SLC35F3: variants seen among roughly 807,000 people sequenced by gnomAD.
The protein encoded by SLC35F3 is solute carrier family 35 member F3.
A neutral mutation model predicts 49.9 loss-of-function variants in SLC35F3; 25 were observed. The observed-to-expected ratio is 0.50, with a 90% CI of 0.37 to 0.70. The LOEUF (loss-of-function observed/expected upper bound fraction) is 0.70, where lower values mean the gene tolerates loss of function less well. Ranked by LOEUF, SLC35F3 falls within the 30% of genes least tolerant of loss-of-function variation. The pLI, the probability that SLC35F3 is intolerant of heterozygous loss-of-function variation, is 0.00. For missense variants in SLC35F3, 525 were observed against 639.8 expected, an observed-to-expected ratio of 0.82 and a Z score of 1.94; for synonymous variants, 275 against 265.4, an observed-to-expected ratio of 1.04 and a Z score of -0.35.
At position 234,134,028 on chromosome 1, in the gene SLC35F3, C is replaced by G. The variant is rs545192593; in HGVS notation, c.284-97389C>G. ...CAAAATAATCCATAAAGCGTATAGA[C>G]CATATGTCAGAGAAGTACATGAAAA... On this transcript the variant is annotated intron_variant, in intron 2 of 7. Transcript: ENST00000366618. Among the ~76,000 whole-genome samples the G allele has an allele frequency of 1.1e-4, 16 of 152,200 alleles. 1 individual carries two copies. Among genetic ancestry groups the G allele is most frequent in the Middle Eastern group, 3.4e-3 (1 of 294 alleles).
At chr1:234,200,962 G>A (rs889848080) in intron 2 of SLC35F3, among the ~76,000 whole-genome samples, 5 of 152,280 alleles carry the variant, frequency 3.3e-5, no homozygotes, top group South Asian at 4.1e-4. Flanking sequence ...CCCAAACTGC[G>A]GGTGATATAC....
intron 2 of SLC35F3, among the ~76,000 whole-genome samples, chr1:234,104,706 T>C (rs1665258528): frequency 6.6e-6 from 1 of 152,202 alleles, no homozygotes; most frequent in Admixed American, 6.5e-5. Flanking sequence ...TCAAAAAATG[T>C]AGTTGTGGTT....
At chr1:234,015,582 G>A (rs1164926695) in intron 2 of SLC35F3, among the ~76,000 whole-genome samples, 2 of 152,070 alleles carry the variant, frequency 1.3e-5, no homozygotes, top group African/African-American at 4.8e-5. Flanking sequence ...TTCAATAAAG[G>A]GTGTTGGGAA....
intron 3 of SLC35F3, among the ~76,000 whole-genome samples, chr1:234,272,878 G>A (rs1451011404): frequency 3.3e-5 from 5 of 150,482 alleles, no homozygotes; most frequent in Non-Finnish European, 7.5e-5. Context: ...CAGCAGGCTC[G>A]CTGCCCCTGA....
chr1:234,141,557 T>G (rs2102903651), intron 2 of SLC35F3, among the ~76,000 whole-genome samples: 1 of 152,340 alleles, frequency 6.6e-6, no homozygotes, highest in South Asian at 2.1e-4. Flanking sequence ...GCGCATTTTG[T>G]TTTGTGCTAA....
chr1:234,247,895 T>TTTGGTGGGTAGGTTGGTTGGTCCATTGC (rs1667665764), intron 3 of SLC35F3, among the ~76,000 whole-genome samples: 2 of 152,172 alleles, frequency 1.3e-5, no homozygotes, highest in African/African-American at 4.8e-5. Flanking sequence ...TGGTCCGTTG[T>TTTGGTGGGTAGGTTGGTTGGTCCATTGC]TTGGTGGGTA....
intron 2 of SLC35F3, among the ~76,000 whole-genome samples, chr1:233,912,986 G>A (rs1011253246): frequency 2.6e-5 from 4 of 152,192 alleles, no homozygotes. Flanking sequence ...GTGCCAGAAT[G>A]CAGAGATTAG....
Position 233,956,574 on chromosome 1 carries a change from G to A in SLC35F3, c.283+50816G>A, listed in dbSNP as rs569156065. ...AGAGTGCACATCTGCATAGGTACTA[G>A]GCCTATCTGAGCAGGAAAAGTAATT... is the stretch of plus-strand genomic sequence containing the variant. On this transcript the variant is annotated intron_variant, in intron 2 of 7. Transcript: ENST00000366618. Among the ~76,000 whole-genome samples the A allele has an allele frequency of 3.9e-5, 6 of 152,302 alleles. No individual in the cohort carries two copies. In the South Asian group the frequency reaches 1.2e-3, roughly 32 times the overall value.
chr1:233,971,402 A>T (rs1308363411), intron 2 of SLC35F3, among the ~76,000 whole-genome samples: 1 of 152,260 alleles, frequency 6.6e-6, no homozygotes, highest in Non-Finnish European at 1.5e-5. Context: ...GTCAAATCCT[A>T]TGAAAATAAG....
At chr1:233,940,852 C>T (rs1662408847) in intron 2 of SLC35F3, among the ~76,000 whole-genome samples, 1 of 152,022 alleles carries the variant, frequency 6.6e-6, no homozygotes, top group Non-Finnish European at 1.5e-5. Flanking sequence ...ATTACTGGGT[C>T]AAAGAGAATG....
At chr1:234,118,733 G>A (rs1020463743) in intron 2 of SLC35F3, among the ~76,000 whole-genome samples, 1 of 152,180 alleles carries the variant, frequency 6.6e-6, no homozygotes, top group Non-Finnish European at 1.5e-5. Flanking sequence ...GAGGCTCAGG[G>A]AGGTGAAATG....
At chr1:234,103,776 A>G (rs1665245674) in intron 2 of SLC35F3, among the ~76,000 whole-genome samples, 1 of 152,164 alleles carries the variant, frequency 6.6e-6, no homozygotes. Flanking sequence ...CTTCTTGGGA[A>G]AGGATTATAC....
At chr1:234,228,349 C>T (rs533654912) in intron 2 of SLC35F3, among the ~76,000 whole-genome samples, 74 of 152,344 alleles carry the variant, frequency 4.9e-4, no homozygotes, top group Middle Eastern at 6.8e-3. Context: ...ACACTGGCCA[C>T]GCTCTCTGCA....
At chr1:234,065,193 C>T (rs1378638256) in intron 2 of SLC35F3, among the ~76,000 whole-genome samples, 1 of 151,978 alleles carries the variant, frequency 6.6e-6, no homozygotes, top group Non-Finnish European at 1.5e-5. Flanking sequence ...TGTCTCCAGA[C>T]TGGAGTGCAG....
At chr1:234,212,434 A>C (rs1572096955) in intron 2 of SLC35F3, among the ~76,000 whole-genome samples, 1 of 152,336 alleles carries the variant, frequency 6.6e-6, no homozygotes, top group East Asian at 1.9e-4. Context: ...GAATTTTTGC[A>C]TTTTATCTCT....
At chr1:234,275,483 T>C (rs1246753525) in intron 3 of SLC35F3, among the ~76,000 whole-genome samples, 1 of 152,168 alleles carries the variant, frequency 6.6e-6, no homozygotes, top group Non-Finnish European at 1.5e-5. Flanking sequence ...GAACACAGAT[T>C]CTTTTCTCAA....
In SLC35F3 at chr1:234,027,515, G is replaced by GTT. The variant is rs1262766036; in HGVS notation, c.283+121759_283+121760dup. ...TTCAATTTCAGTCCATTCGGTAGTG[G>GTT]TTTAAAGAATGGAGAGTGGGGTCTT... On this transcript the variant is annotated intron_variant, in intron 2 of 7. Coordinates refer to ENST00000366618, the MANE Select transcript of SLC35F3 (RefSeq NM_173508.4). This position sits in a 1 kb window ranked among gnomAD's most constrained non-coding sequence, Gnocchi z 4.1. 2.6e-5 allele frequency among the ~76,000 whole-genome samples: 4 copies of GTT among 152,188 alleles called. No individual in the cohort carries two copies. Among genetic ancestry groups the GTT allele is most frequent in the Non-Finnish European group, 1.5e-5 (1 of 68,034 alleles).
chr1:234,143,288 C>CTTTTCTTTTT (rs1478216426), intron 2 of SLC35F3, among the ~76,000 whole-genome samples: 18 of 123,530 alleles, frequency 1.5e-4, no homozygotes, highest in East Asian at 1.2e-3. Context: ...CTTTTCTTTT[C>CTTTTCTTTTT]TTTTTTTTTT....
At chr1:234,175,613 T>C (rs540794197) in intron 2 of SLC35F3, among the ~76,000 whole-genome samples, 1 of 139,558 alleles carries the variant, frequency 7.2e-6, no homozygotes, top group Non-Finnish European at 1.5e-5. Flanking sequence ...CAGTGAGCTG[T>C]GATTGCACCA....
Sources: gnomAD v4.1 joint callset for allele counts (sites outside exome capture counted in the v4.1 genomes callset) on GRCh38, gnomAD v4.1.1 for gene constraint, Gnocchi (gnomAD v3.1) non-coding constraint, MANE v1.5 for transcripts, NCBI Gene and HGNC (gene_info 2026-07-23, HGNC 2026-07-21) for gene names.